Variants in ARHGAP15 observed in about 807,000 individuals in gnomAD.
The protein encoded by ARHGAP15 is Rho GTPase activating protein 15, also known as rho GTPase-activating protein 15.
ARHGAP15 carries 51 observed loss-of-function variants against 63.7 expected under a neutral mutation model. The observed-to-expected ratio is 0.80, with a 90% confidence interval of 0.64 to 1.01. The LOEUF (loss-of-function observed/expected upper bound fraction) is 1.01. Ranked by LOEUF, ARHGAP15 falls within the 50% of genes least tolerant of loss-of-function variation. The pLI, the probability that ARHGAP15 is intolerant of heterozygous loss-of-function variation, is 0.00. For synonymous variants in ARHGAP15, 191 were observed against 193.8 expected (o/e 0.99, Z 0.12); for missense variants, 560 against 564.6 (o/e 0.99, Z 0.08).
chr2:143,418,344 C>T (rs1688773893), intron 6 of ARHGAP15, among the ~76,000 whole-genome samples: 2 of 152,118 alleles, frequency 1.3e-5, no homozygotes, highest in Non-Finnish European at 2.9e-5. Flanking sequence ...TTCTCCAGGC[C>T]TCTCTCAAAA....
At chr2:143,458,221 T>G (rs1444624850) in intron 8 of ARHGAP15, among the ~76,000 whole-genome samples, 1 of 152,194 alleles carries the variant, frequency 6.6e-6, no homozygotes, top group Non-Finnish European at 1.5e-5. Context: ...TAACTGGTAA[T>G]TTTCATGTCA....
At chr2:143,438,926 G>A (rs1360418668) in intron 8 of ARHGAP15, among the ~76,000 whole-genome samples, 1 of 151,998 alleles carries the variant, frequency 6.6e-6, no homozygotes, top group Non-Finnish European at 1.5e-5. Context: ...CCTGAGCTAT[G>A]GAGAAAATAA....
chr2:143,679,617 ATGT>A (rs969903511), intron 12 of ARHGAP15, among the ~76,000 whole-genome samples: 9 of 151,042 alleles, frequency 6.0e-5, no homozygotes, highest in South Asian at 2.1e-4. Flanking sequence ...TTTTTTATAG[ATGT>A]TGTTTATTTC....
intron 6 of ARHGAP15, among the ~76,000 whole-genome samples, chr2:143,414,794 G>A (rs760508656): frequency 1.2e-4 from 18 of 152,156 alleles, no homozygotes; most frequent in South Asian, 2.1e-4. Flanking sequence ...TTAGCCGGGC[G>A]TGGTGGCGCA....
intron 12 of ARHGAP15, among the ~76,000 whole-genome samples, chr2:143,638,250 C>A (rs903313001): frequency 1.5e-4 from 22 of 143,110 alleles, no homozygotes; most frequent in Non-Finnish European, 3.2e-4. Flanking sequence ...TGGAACCAAC[C>A]CAAATGTCCA....
intron 6 of ARHGAP15, among the ~76,000 whole-genome samples, chr2:143,416,062 A>G (rs2105036522): frequency 2.6e-5 from 4 of 152,086 alleles, no homozygotes; most frequent in Admixed American, 2.6e-4. Flanking sequence ...AACACCTCAC[A>G]AATCACCGCT....
intron 6 of ARHGAP15, among the ~76,000 whole-genome samples, chr2:143,361,746 C>A (rs1686065543): frequency 6.6e-6 from 1 of 152,112 alleles, no homozygotes; most frequent in Non-Finnish European, 1.5e-5. Context: ...AATTGAATTT[C>A]TACCATAGGT....
intron 12 of ARHGAP15, among the ~76,000 whole-genome samples, chr2:143,702,247 C>A (rs1684122369): frequency 6.6e-6 from 1 of 152,148 alleles, no homozygotes; most frequent in Admixed American, 6.5e-5. Context: ...TGATAAGGCC[C>A]TGGTTAAAAC....
chr2:143,599,507 G>A (rs555167418), intron 11 of ARHGAP15, among the ~76,000 whole-genome samples: 1 of 151,292 alleles, frequency 6.6e-6, no homozygotes, highest in African/African-American at 2.4e-5. Flanking sequence ...AGACCAGCCT[G>A]AGTAGCAAAG....
intron 8 of ARHGAP15, among the ~76,000 whole-genome samples, chr2:143,447,041 G>A (rs1223234085): frequency 6.6e-6 from 1 of 151,890 alleles, no homozygotes; most frequent in African/African-American, 2.4e-5. Flanking sequence ...TGGACATTTG[G>A]GTTGGTTCCA....
At chr2:143,132,912 T>C (rs574884097) in intron 1 of ARHGAP15, among the ~76,000 whole-genome samples, 1 of 152,096 alleles carries the variant, frequency 6.6e-6, no homozygotes, top group South Asian at 2.1e-4. Flanking sequence ...AGCTACTGTA[T>C]GTTTGACAAC....
intron 6 of ARHGAP15, among the ~76,000 whole-genome samples, chr2:143,318,977 C>T (rs905489817): frequency 2.0e-5 from 3 of 152,142 alleles, no homozygotes; most frequent in Non-Finnish European, 2.9e-5. Flanking sequence ...TGAACCTCAA[C>T]TGCAGTCCTG....
At chr2:143,411,450 T>A (rs1356974788) in intron 6 of ARHGAP15, among the ~76,000 whole-genome samples, 1 of 152,188 alleles carries the variant, frequency 6.6e-6, no homozygotes, top group Non-Finnish European at 1.5e-5. Flanking sequence ...TTTACATCAT[T>A]GTGACATGGA....
intron 6 of ARHGAP15, among the ~76,000 whole-genome samples, chr2:143,366,976 A>G (rs1229767020): frequency 2.6e-5 from 4 of 152,094 alleles, no homozygotes; most frequent in Admixed American, 6.6e-5. Flanking sequence ...GTCCTGTATC[A>G]TAATTGGCAG....
chr2:143,559,219 T>A (rs549400885), intron 11 of ARHGAP15, among the ~76,000 whole-genome samples: 2 of 152,168 alleles, frequency 1.3e-5, no homozygotes, highest in South Asian at 4.1e-4. Flanking sequence ...ACTAGTTGCA[T>A]TTCCTGCCTT....
intron 9 of ARHGAP15, among the ~76,000 whole-genome samples, chr2:143,516,523 T>G (rs1004530931): frequency 3.6e-4 from 55 of 152,232 alleles, no homozygotes; most frequent in African/African-American, 1.3e-3. Flanking sequence ...GTATATTCTT[T>G]GAATACTTTT....
At chr2:143,492,097 G>A (rs570400957) in intron 9 of ARHGAP15, among the ~76,000 whole-genome samples, 1 of 152,090 alleles carries the variant, frequency 6.6e-6, no homozygotes, top group Non-Finnish European at 1.5e-5. Context: ...GCCCAGCCTG[G>A]TCTTGAACTC....
intron 13 of ARHGAP15, among the ~76,000 whole-genome samples, chr2:143,714,233 C>T (rs1684709793): frequency 1.3e-5 from 2 of 152,240 alleles, no homozygotes; most frequent in African/African-American, 4.8e-5. Flanking sequence ...CACATAGCTG[C>T]CAAGGCTTGG....
At chr2:143,165,332 A>G (rs1159246508) in intron 2 of ARHGAP15, among the ~76,000 whole-genome samples, 1 of 152,094 alleles carries the variant, frequency 6.6e-6, no homozygotes, top group Admixed American at 6.6e-5. Flanking sequence ...ACTTTCCTCC[A>G]CTACTTTTGG....
Sources: gnomAD v4.1 joint callset for allele counts (sites outside exome capture counted in the v4.1 genomes callset) on GRCh38, gnomAD v4.1.1 for gene constraint, MANE v1.5 for transcripts, NCBI Gene and HGNC (gene_info 2026-07-23, HGNC 2026-07-21) for gene names.